Variants in CNTN1 observed in about 807,000 individuals in gnomAD.
CNTN1 encodes the protein contactin-1.
Under a neutral mutation model 126.4 loss-of-function variants are expected in CNTN1, and 38 were observed. The ratio of observed to expected loss-of-function variants is 0.30; its 90% CI spans 0.23 to 0.39. CNTN1 has a LOEUF of 0.39. Among genes scored for constraint, CNTN1 ranks in the 10% least tolerant of loss-of-function variants. CNTN1 has a pLI of 1.00. For missense variants in CNTN1, 1,009 were observed against 1,248.4 expected, an observed-to-expected ratio of 0.81 and a Z score of 2.89; for synonymous variants, 413 against 422.6, an observed-to-expected ratio of 0.98 and a Z score of 0.28.
chr12:40,714,782 G>A (rs185221115), intron 1 of CNTN1, among the ~76,000 whole-genome samples: 50 of 152,182 alleles, frequency 3.3e-4, no homozygotes, highest in African/African-American at 1.1e-3. Flanking sequence ...TCCAGTTCCC[G>A]AGGGATTCTT....
intron 7 of CNTN1, 89 bp downstream of exon 7, chr12:40,930,091 C>A: frequency 1.8e-6 from 2 of 1,081,230 alleles, no homozygotes; most frequent in Non-Finnish European, 2.9e-6. Flanking sequence ...CCAGTGAAGA[C>A]TAGCTGACTT....
At chr12:40,958,468 AT>A (rs1163140521) in intron 14 of CNTN1, among the ~76,000 whole-genome samples, 2 of 152,008 alleles carry the variant, frequency 1.3e-5, no homozygotes, top group East Asian at 3.9e-4. Flanking sequence ...TGGAAATTAC[AT>A]TGAAATGGTG....
In CNTN1 at chr12:40,864,652, G is replaced by A. The variant is rs1943238129; in HGVS notation, c.-76-43705G>A. 7.2e-5 allele frequency among the ~76,000 whole-genome samples: 11 copies of A among 152,034 alleles called. 1 individual carries two copies. The highest frequency in any genetic ancestry group is 7.2e-4 in the Admixed American group (11 of 15,246). On this transcript the variant is annotated intron_variant, in intron 1 of 23. Coordinates refer to ENST00000551295, the MANE Select transcript of CNTN1 (RefSeq NM_001843.4). ...AATGTTTTCAAGGTTCATTGATATT[G>A]TATCATGTAAAACTACTTCATTCCT...
At chr12:41,064,398 C>T (rs1235551456) in intron 23 of CNTN1, among the ~76,000 whole-genome samples, 1 of 152,172 alleles carries the variant, frequency 6.6e-6, no homozygotes, top group East Asian at 1.9e-4. Context: ...GTATGCCCAG[C>T]TTATGCCATT....
chr12:41,053,428 AATATATATATATATATATATATATAT>A lies in CNTN1; in HGVS notation c.2981-16516_2981-16491del, dbSNP rs66808071. On this transcript the variant is annotated intron_variant, in intron 23 of 23. Coordinates refer to ENST00000551295, the MANE Select transcript of CNTN1 (RefSeq NM_001843.4). The stretch of plus-strand genomic sequence containing the variant: ...TTTTGTCTCTTTCATGTTTTCACTA[AATATATATATATATATATATATATAT>A]ATATATATATATATTTGCCAATAAT... Among the ~76,000 whole-genome samples, 8 of 64,110 alleles carry A rather than the reference AATATATATATATATATATATATATAT, an allele frequency of 1.2e-4. 1 individual carries two copies. The East Asian group carries it at 1.3e-3, about 11-fold the overall frequency. 42.1% of individuals were successfully genotyped at this position (64,110 alleles called of 152,430 possible).
chr12:40,699,752 T>C (rs11177886), intron 1 of CNTN1, among the ~76,000 whole-genome samples: 30,473 of 151,576 alleles, frequency 0.2, 3,150 homozygotes, highest in Middle Eastern at 0.27. Flanking sequence ...TATCCACATT[T>C]ACAGATAAAA....
chr12:40,822,146 A>ATTTTTTTTTTTTTT (rs1315956279), intron 1 of CNTN1, among the ~76,000 whole-genome samples: 1 of 81,892 alleles, frequency 1.2e-5, no homozygotes, highest in African/African-American at 4.0e-5. Context: ...CAAAATATAA[A>ATTTTTTTTTTTTTT]TCTTTTTTTT....
intron 1 of CNTN1, among the ~76,000 whole-genome samples, chr12:40,856,678 CAA>C: frequency 6.6e-6 from 1 of 152,142 alleles, no homozygotes; most frequent in East Asian, 1.9e-4. Flanking sequence ...AAAGTGGACT[CAA>C]ACAGAGGAAT....
intron 2 of CNTN1, among the ~76,000 whole-genome samples, chr12:40,909,511 A>G (rs1944953209): frequency 6.6e-6 from 1 of 151,922 alleles, no homozygotes; most frequent in Non-Finnish European, 1.5e-5. Context: ...CCTTTTGTAT[A>G]TAAATCCCCA....
rs568364686 is a variant in CNTN1, at chr12:40,705,282, C to A, written c.-77+12690C>A. Among the ~76,000 whole-genome samples the A allele has an allele frequency of 9.2e-5, 14 of 152,258 alleles. No homozygotes were observed. In the South Asian group the frequency reaches 2.7e-3, roughly 29 times the overall value. On this transcript the variant is annotated intron_variant, in intron 1 of 23. Coordinates refer to ENST00000551295, the MANE Select transcript of CNTN1 (RefSeq NM_001843.4). ...TTTCATCCAGAGAATATTTTCCTTCCCAATTGCTTGCAGTTGACACCACTA... is the reference window on the plus strand; with the variant it reads ...TTTCATCCAGAGAATATTTTCCTTCACAATTGCTTGCAGTTGACACCACTA...
At chr12:40,922,519 A>G in intron 5 of CNTN1, 91 bp downstream of exon 5, 1 of 1,196,298 alleles carries the variant, frequency 8.4e-7, no homozygotes, top group Non-Finnish European at 1.2e-6. Flanking sequence ...AGAGGAAGGC[A>G]TCATAGATGA....
chr12:40,846,438 A>G (rs1338033418), intron 1 of CNTN1, among the ~76,000 whole-genome samples: 1 of 152,214 alleles, frequency 6.6e-6, no homozygotes, highest in African/African-American at 2.4e-5. Context: ...ACTGCACTCC[A>G]GCCTGGACAA....
intron 15 of CNTN1, among the ~76,000 whole-genome samples, chr12:40,979,963 T>C (rs962456055): frequency 6.6e-6 from 1 of 152,182 alleles, no homozygotes; most frequent in African/African-American, 2.4e-5. Context: ...GCATTCCTGG[T>C]ATATCTCTGA....
intron 1 of CNTN1, among the ~76,000 whole-genome samples, chr12:40,730,242 G>T (rs73110850): frequency 0.012 from 1,788 of 152,332 alleles, 22 homozygotes; most frequent in African/African-American, 0.04. Flanking sequence ...TGAGAATTTT[G>T]TAGTACACTG....
intron 1 of CNTN1, among the ~76,000 whole-genome samples, chr12:40,794,984 G>A (rs899528130): frequency 2.3e-4 from 35 of 152,024 alleles, no homozygotes; most frequent in African/African-American, 8.2e-4. Context: ...TTTAGGTATT[G>A]TTATTATGGT....
At chr12:40,873,909 A>G (rs913764598) in intron 1 of CNTN1, among the ~76,000 whole-genome samples, 1 of 152,134 alleles carries the variant, frequency 6.6e-6, no homozygotes, top group Non-Finnish European at 1.5e-5. Context: ...CCTTTAGTAC[A>G]TTACCTCTCA....
At chr12:40,785,298 C>T (rs1225159411) in intron 1 of CNTN1, among the ~76,000 whole-genome samples, 1 of 152,030 alleles carries the variant, frequency 6.6e-6, no homozygotes, top group Admixed American at 6.6e-5. Flanking sequence ...GCCAGCATCT[C>T]CTCAGTTTCT....
At chr12:40,771,110 T>C (rs1026068562) in intron 1 of CNTN1, among the ~76,000 whole-genome samples, 1 of 152,076 alleles carries the variant, frequency 6.6e-6, no homozygotes, top group Non-Finnish European at 1.5e-5. Context: ...AGGAAATAAA[T>C]TCAATAGGAT....
chr12:40,728,115 ACAT>A (rs1942404535), intron 1 of CNTN1, among the ~76,000 whole-genome samples: 1 of 152,228 alleles, frequency 6.6e-6, no homozygotes, highest in African/African-American at 2.4e-5. Flanking sequence ...TTGAGGACTG[ACAT>A]CAACAACAGC....
Sources: gnomAD v4.1 joint callset for allele counts (sites outside exome capture counted in the v4.1 genomes callset) on GRCh38, gnomAD v4.1.1 for gene constraint, MANE v1.5 for transcripts, NCBI Gene and HGNC (gene_info 2026-07-23, HGNC 2026-07-21) for gene names.